The following DYNC1H1 variants were observed in gnomAD, a reference collection of about 807,000 sequenced individuals.
DYNC1H1 encodes cytoplasmic dynein 1 heavy chain 1.
In DYNC1H1, 51 loss-of-function variants were observed where a neutral mutation model predicts 527.1. That is an observed-to-expected ratio of 0.10 (90% CI 0.08 to 0.12). The LOEUF (loss-of-function observed/expected upper bound fraction) is 0.12. Ranked by LOEUF, DYNC1H1 falls within the 10% of genes least tolerant of loss-of-function variation. The probability of loss-of-function intolerance (pLI) is 1.00; values close to 1 mark genes in which losing one functional copy is unlikely to be tolerated. For synonymous variants in DYNC1H1, 2,189 were observed against 2,278.8 expected (o/e 0.96, Z 1.12); for missense variants, 2,771 against 5,971.8 (o/e 0.46, Z 17.66).
At chr14:101,969,707 G>T (rs2047709415) in intron 1 of DYNC1H1, 1 of 152,274 alleles carries the variant, frequency 6.6e-6, no homozygotes, top group African/African-American at 2.4e-5. Context: ...GCTGTTAACT[G>T]CCCCATGCTG....
chr14:101,986,433 A>G lies in DYNC1H1; in HGVS notation c.2208A>G (p.Lys736=). The change falls in exon 8 of 78, where the codon AAA becomes AAG. Residue 736 remains lysine (K), a synonymous_variant. Coordinates refer to ENST00000360184, the MANE Select transcript of DYNC1H1 (RefSeq NM_001376.5). This position sits in a 1 kb window ranked among gnomAD's most constrained non-coding sequence, Gnocchi z 8.7. The part of the protein sequence containing the change: ...RGRTGNVLKL[K]VNFLPEIITL... ...GAACTGGAAATGTGCTTAAGCTGAA[A>G]GTTAACTTTCTTCCTGAGATTATCA... 6.2e-7 allele frequency: 1 copy of G among 1,614,188 alleles called. No homozygotes were observed. Among genetic ancestry groups the G allele is most frequent in the South Asian group, 1.1e-5 (1 of 91,080 alleles).
intron 23 of DYNC1H1, among the ~76,000 whole-genome samples, chr14:102,004,186 G>A (rs2048169202): frequency 6.6e-6 from 1 of 152,106 alleles, no homozygotes; most frequent in South Asian, 2.1e-4. Flanking sequence ...GGAGCTTGCA[G>A]TGAGCCGAGA....
Position 102,039,362 on chromosome 14 carries a change from A to T in DYNC1H1, c.11461-50A>T. The T allele has an allele frequency of 6.2e-7, 1 of 1,613,906 alleles. No individual in the cohort carries two copies. Among genetic ancestry groups the T allele is most frequent in the Non-Finnish European group, 8.5e-7 (1 of 1,180,030 alleles). On this transcript the variant is annotated intron_variant, in intron 60 of 77. Transcript: ENST00000360184. This position sits in a 1 kb window ranked among gnomAD's most constrained non-coding sequence, Gnocchi z 7.0. ...TAGCTCCTTGGCCACGCAGAAGTTC[A>T]GCGGGGTGCCGAGGGAGCTGCCTCA...
Position 102,002,136 on chromosome 14 carries a change from A to G in DYNC1H1, c.4543-401A>G, listed in dbSNP as rs1354668802. ...TTTTTTTTTTCTTTTTTTGAGATGG[A>G]GTCTCGCTCTGTCACCCAGGCTGGA... is the stretch of plus-strand genomic sequence containing the variant. On this transcript the variant is annotated intron_variant, in intron 21 of 77. Coordinates refer to ENST00000360184, the MANE Select transcript of DYNC1H1 (RefSeq NM_001376.5). This position sits in a 1 kb window ranked among gnomAD's most constrained non-coding sequence, Gnocchi z 4.4. 7.1e-6 allele frequency among the ~76,000 whole-genome samples: 1 copy of G among 140,848 alleles called. No homozygotes were observed. The highest frequency in any genetic ancestry group is 2.7e-5 in the African/African-American group (1 of 37,276). 92.4% of individuals were successfully genotyped at this position (140,848 alleles called of 152,430 possible).
chr14:102,013,976 A>G (rs1349823871), intron 34 of DYNC1H1, among the ~76,000 whole-genome samples: 1 of 152,222 alleles, frequency 6.6e-6, no homozygotes. Flanking sequence ...TGAGCCTTTA[A>G]CAACAAGGCT....
chr14:101,994,300 A>G lies in DYNC1H1; in HGVS notation c.3132A>G (p.Val1044=), dbSNP rs771003972. Residue 1044 remains valine, a synonymous_variant, in exon 12 of 78, where the codon GTA becomes GTG. Transcript: ENST00000360184. Reference sequence around the variant, plus strand: ...CGTATTCTGCTGTCATGGGCATTGTATCTGAAGTTGAACAGTATGTCAAGG... The same window carrying G: ...CGTATTCTGCTGTCATGGGCATTGTGTCTGAAGTTGAACAGTATGTCAAGG... ...EESYSAVMGI[V]SEVEQYVKVW... 1.7e-5 allele frequency: 28 copies of G among 1,614,082 alleles called. No homozygotes were observed. The highest frequency in any genetic ancestry group is 1.9e-5 in the Non-Finnish European group (23 of 1,180,056).
At chr14:102,046,793 G>C (rs930867051) in intron 72 of DYNC1H1, among the ~76,000 whole-genome samples, 1 of 150,724 alleles carries the variant, frequency 6.6e-6, no homozygotes, top group Middle Eastern at 3.4e-3. Flanking sequence ...CGGGCTGCTG[G>C]TTCCGTTTTT....
intron 43 of DYNC1H1, among the ~76,000 whole-genome samples, chr14:102,025,856 G>T (rs373781868): frequency 1.3e-5 from 2 of 151,690 alleles, no homozygotes; most frequent in African/African-American, 2.4e-5. Flanking sequence ...GGTGGCTCAC[G>T]CCTGTAATCC....
Position 102,011,680 on chromosome 14 carries a change from A to T in DYNC1H1, c.6619-195A>T. The T allele has an allele frequency of 1.7e-6, 1 of 605,804 alleles. No individual in the cohort carries two copies. Among genetic ancestry groups the T allele is most frequent in the Non-Finnish European group, 2.9e-6 (1 of 340,198 alleles). 37.5% of individuals were successfully genotyped at this position (605,804 alleles called of 1,614,324 possible). Reference sequence around the variant, plus strand: ...GGAAGGAGAATCACTTGAACCTGGGAGGTGGAGCTTGCGGTGAGCTGAGAT... The same window carrying T: ...GGAAGGAGAATCACTTGAACCTGGGTGGTGGAGCTTGCGGTGAGCTGAGAT... On this transcript the variant is annotated intron_variant, in intron 32 of 77. Transcript: ENST00000360184. The surrounding 1 kb of genome is among the most constrained non-coding windows in gnomAD (Gnocchi z 5.3).
chr14:102,048,831 A>T, intron 74 of DYNC1H1, 162 bp downstream of exon 74: 1 of 346,888 alleles, frequency 2.9e-6, no homozygotes, highest in South Asian at 2.1e-5. Context: ...GGGGGAGGGG[A>T]GGAGCTTAGA....
Position 101,997,046 on chromosome 14 carries a change from T to C in DYNC1H1, c.3576T>C (p.Asn1192=). 6.2e-7 allele frequency: 1 copy of C among 1,614,132 alleles called. No homozygotes were observed. The highest frequency in any genetic ancestry group is 8.5e-7 in the Non-Finnish European group (1 of 1,179,990). The change falls in exon 16 of 78, where the codon AAT becomes AAC. Residue 1192 remains asparagine, a synonymous_variant. Coordinates refer to ENST00000360184, the MANE Select transcript of DYNC1H1 (RefSeq NM_001376.5). The surrounding 1 kb of genome is among the most constrained non-coding windows in gnomAD (Gnocchi z 4.8). ...TTTAACTCTCAAAGCTCTACCGCAATGGCCAGCGCTTACTGGAAAAGCAAA... is the reference window on the plus strand; with the variant it reads ...TTTAACTCTCAAAGCTCTACCGCAACGGCCAGCGCTTACTGGAAAAGCAAA... ...QFEKQVELYR[N]GQRLLEKQRF... is the part of the protein sequence containing the mutation.
At position 101,980,385 on chromosome 14, in the gene DYNC1H1, C is replaced by T; in HGVS notation, c.796C>T (p.Pro266Ser). 6.2e-7 allele frequency: 1 copy of T among 1,614,188 alleles called. No individual in the cohort carries two copies. The highest frequency in any genetic ancestry group is 8.5e-7 in the Non-Finnish European group (1 of 1,180,046). The change falls in exon 5 of 78, where the codon CCT (proline) becomes TCT (serine). Residue 266 changes from proline to serine, a missense_variant. Physicochemically the swap from Pro to Ser is moderately conservative, Grantham distance 74. Transcript: ENST00000360184. ...IQKVTKLDRDPASGTALQEIS... is the reference protein window; with the variant it reads ...IQKVTKLDRDSASGTALQEIS... ...AAAGGTGACCAAACTGGATCGAGAT[C>T]CTGCATCAGGAACTGCCTTACAGGA...
Position 102,001,159 on chromosome 14 carries a change from G to C in DYNC1H1, c.4200G>C (p.Val1400=). The C allele has an allele frequency of 1.2e-6, 2 of 1,614,206 alleles. No individual in the cohort carries two copies. The highest frequency in any genetic ancestry group is 1.7e-6 in the Non-Finnish European group (2 of 1,180,042). Residue 1400 remains valine, a synonymous_variant, in exon 20 of 78, where the codon GTG becomes GTC. Coordinates refer to ENST00000360184, the MANE Select transcript of DYNC1H1 (RefSeq NM_001376.5). The surrounding 1 kb of genome is among the most constrained non-coding windows in gnomAD (Gnocchi z 5.0). ...TTTCTCCACAGATAAATATGCTGGT[G>C]ATTGAACTGAAATCCGAAGCACTTA... ...LKGYMKINML[V]IELKSEALKD... is the part of the protein sequence containing the mutation.
At chr14:102,048,356 C>A in intron 73 of DYNC1H1, 160 bp from the exon 74 acceptor site, 2 of 1,023,090 alleles carry the variant, frequency 2.0e-6, no homozygotes, top group Non-Finnish European at 2.9e-6. Context: ...CAGCTTCACA[C>A]AAGCTCGGTT....
At chr14:101,971,977 T>G (rs572397439) in intron 1 of DYNC1H1, among the ~76,000 whole-genome samples, 17 of 152,312 alleles carry the variant, frequency 1.1e-4, no homozygotes, top group African/African-American at 4.1e-4. Flanking sequence ...GTACTTTGAT[T>G]CTTTGAATGC....
At chr14:102,004,428 C>T in intron 23 of DYNC1H1, 90 bp from the exon 24 acceptor site, 1 of 1,434,252 alleles carries the variant, frequency 7.0e-7, no homozygotes, top group Non-Finnish European at 9.4e-7. Context: ...GACACATGTT[C>T]TTTCCCTTCC....
chr14:102,042,302 CTT>C lies in DYNC1H1; in HGVS notation c.12275+16_12275+17del, dbSNP rs2048661482. The C allele has an allele frequency of 6.2e-7, 1 of 1,614,130 alleles. No homozygotes were observed. Among genetic ancestry groups the C allele is most frequent in the Non-Finnish European group, 8.5e-7 (1 of 1,180,032 alleles). The stretch of plus-strand genomic sequence containing the variant: ...AAAGTCGGGCAGGTAGGCCTGTTCT[CTT>C]TGGCTGAAGAAAGCCTTAGTCCCCA... On this transcript the variant is annotated intron_variant, in intron 67 of 77. Transcript: ENST00000360184. The surrounding 1 kb of genome is among the most constrained non-coding windows in gnomAD (Gnocchi z 5.7).
At position 102,015,814 on chromosome 14, in the gene DYNC1H1, C is replaced by A; in HGVS notation, c.7243-42C>A. On this transcript the variant is annotated intron_variant, in intron 35 of 77. Transcript: ENST00000360184. This position sits in a 1 kb window ranked among gnomAD's most constrained non-coding sequence, Gnocchi z 6.9. The stretch of plus-strand genomic sequence containing the variant: ...GGTTAGAATCGATGAAACTCGCCTG[C>A]CTTTTGAAAGATAGTTAAGTATCAC... 3.1e-6 allele frequency: 5 copies of A among 1,607,104 alleles called. No individual in the cohort carries two copies. The South Asian group carries it at 4.4e-5, about 14-fold the overall frequency.
chr14:102,015,823 A>C lies in DYNC1H1; in HGVS notation c.7243-33A>C, dbSNP rs1439881169. 8.7e-6 allele frequency: 14 copies of C among 1,611,488 alleles called. No homozygotes were observed. The highest frequency in any genetic ancestry group is 1.2e-5 in the Non-Finnish European group (14 of 1,178,328). On this transcript the variant is annotated intron_variant, in intron 35 of 77. Coordinates refer to ENST00000360184, the MANE Select transcript of DYNC1H1 (RefSeq NM_001376.5). The surrounding 1 kb of genome is among the most constrained non-coding windows in gnomAD (Gnocchi z 6.9). Reference sequence around the variant, plus strand: ...CGATGAAACTCGCCTGCCTTTTGAAAGATAGTTAAGTATCACTCCTTCCAC... The same window carrying C: ...CGATGAAACTCGCCTGCCTTTTGAACGATAGTTAAGTATCACTCCTTCCAC...
Sources: gnomAD v4.1 joint callset for allele counts (sites outside exome capture counted in the v4.1 genomes callset) on GRCh38, gnomAD v4.1.1 for gene constraint, Gnocchi (gnomAD v3.1) non-coding constraint, MANE v1.5 for transcripts, NCBI Gene and HGNC (gene_info 2026-07-23, HGNC 2026-07-21) for gene names.